ABCD4: variants seen among roughly 807,000 people sequenced by gnomAD.
ABCD4 encodes ATP binding cassette subfamily D member 4, also known as lysosomal cobalamin transporter ABCD4.
In ABCD4, 53 loss-of-function variants were observed where a neutral mutation model predicts 86.3. That is an observed-to-expected ratio of 0.61 (90% CI 0.49 to 0.77). The LOEUF (loss-of-function observed/expected upper bound fraction) is 0.77, where lower values mean the gene tolerates loss of function less well. Among genes scored for constraint, ABCD4 ranks in the 30% least tolerant of loss-of-function variants. The pLI, the probability that ABCD4 is intolerant of heterozygous loss-of-function variation, is 0.00. For missense variants in ABCD4, 757 were observed against 764.5 expected, an observed-to-expected ratio of 0.99 and a Z score of 0.12; for synonymous variants, 328 against 313.6, an observed-to-expected ratio of 1.05 and a Z score of -0.49.
At position 74,286,331 on chromosome 14, in the gene ABCD4, A is replaced by AGGACCAATGTGGCTCCTGCACG. The variant is rs2079729269; in HGVS notation, c.*129_*130insCGTGCAGGAGCCACATTGGTCC. 1 of 949,388 alleles carries AGGACCAATGTGGCTCCTGCACG rather than the reference A, an allele frequency of 1.1e-6. No individual in the cohort carries two copies. The highest frequency in any genetic ancestry group is 1.7e-6 in the Non-Finnish European group (1 of 604,458). The allele number at this position is 949,388 out of a possible 1,614,324, so 58.8% of individuals were successfully genotyped here. Reference sequence around the variant, plus strand: ...CCCACCACTGCTAGGGGTCCTGCACAGGACCCATGTGGCTCCTGCACGGGA... The same window carrying AGGACCAATGTGGCTCCTGCACG: ...CCCACCACTGCTAGGGGTCCTGCACAGGACCAATGTGGCTCCTGCACGGGACCCATGTGGCTCCTGCACGGGA... On this transcript the variant is annotated 3_prime_UTR_variant, in exon 19 of 19. Transcript: ENST00000356924.
intron 2 of ABCD4, 149 bp from the exon 3 acceptor site, chr14:74,299,824 G>A: frequency 4.3e-6 from 3 of 705,828 alleles, no homozygotes; most frequent in Admixed American, 2.8e-5. Context: ...CACTTTGGGA[G>A]GCTGAGGCGG....
rs1594859967 is a variant in ABCD4 at position 74,290,072 on chromosome 14, G to A, written c.1374C>T (p.Phe458=). The change falls in exon 13 of 19, where the codon TTC becomes TTT. Residue 458 remains phenylalanine, a synonymous_variant. Transcript: ENST00000356924. ...LTDFGPHGVL[F]LPQKPFFTDG... ...CAGTGAAGAATGGCTTTTGTGGCAGGAATAGCACCCCATGGGGCCCAAAGT... is the reference window on the plus strand; with the variant it reads ...CAGTGAAGAATGGCTTTTGTGGCAGAAATAGCACCCCATGGGGCCCAAAGT... 1 of 1,614,118 alleles carries A rather than the reference G, an allele frequency of 6.2e-7. No individual in the cohort carries two copies. Among genetic ancestry groups the A allele is most frequent in the Non-Finnish European group, 8.5e-7 (1 of 1,180,022 alleles).
intron 15 of ABCD4, 97 bp downstream of exon 15, chr14:74,288,619 C>T (rs1398442369): frequency 1.4e-6 from 2 of 1,415,532 alleles, no homozygotes; most frequent in Admixed American, 1.9e-5. Flanking sequence ...TTCAGACTTC[C>T]AGTCCTGGGC....
intron 11 of ABCD4, among the ~76,000 whole-genome samples, 165 bp from the exon 12 acceptor site, chr14:74,290,664 C>G (rs567291340): frequency 1.4e-5 from 2 of 148,050 alleles, no homozygotes; most frequent in African/African-American, 5.0e-5. Context: ...CAGAATGTAA[C>G]TGCATTCGGA....
At chr14:74,288,858 A>C in intron 14 of ABCD4, 93 bp from the exon 15 acceptor site, 2 of 1,485,194 alleles carry the variant, frequency 1.3e-6, no homozygotes, top group Non-Finnish European at 1.8e-6. Context: ...TCACGCCTGT[A>C]ATCCCAACAC....
intron 17 of ABCD4, 25 bp from the exon 18 acceptor site, chr14:74,286,841 G>A: frequency 6.2e-7 from 1 of 1,606,922 alleles, no homozygotes; most frequent in Non-Finnish European, 8.5e-7. Flanking sequence ...CACAGAGGAA[G>A]AGATCAAAGC....
intron 17 of ABCD4, 64 bp downstream of exon 17, chr14:74,287,746 C>T: frequency 1.4e-6 from 2 of 1,478,372 alleles, no homozygotes; most frequent in East Asian, 4.9e-5. Context: ...CCTGTGAACA[C>T]ATGCTGCTAC....
At chr14:74,292,939 C>G (rs531297457) in intron 8 of ABCD4, 70 bp from the exon 9 acceptor site, 775 of 1,604,420 alleles carry the variant, frequency 4.8e-4, no homozygotes, top group Admixed American at 1.7e-3. Flanking sequence ...AACCCTAAGA[C>G]AGGGAGCAGG....
chr14:74,299,787 C>T (rs1158235359), intron 2 of ABCD4, 112 bp from the exon 3 acceptor site: 11 of 1,120,608 alleles, frequency 9.8e-6, no homozygotes, highest in South Asian at 4.4e-5. Context: ...AGGGGCCGGG[C>T]GCGGTGGCTC....
rs2139832693 is a variant in ABCD4, at chr14:74,290,468, C to A, written c.1150G>T (p.Asp384Tyr). Residue 384 changes from aspartate to tyrosine, a missense_variant, in exon 12 of 19, where the codon GAC becomes TAC. Coordinates refer to ENST00000356924, the MANE Select transcript of ABCD4 (RefSeq NM_005050.4). Reference protein sequence around the residue: ...PPGWPAAEPADTAFLLERVSI... With the variant: ...PPGWPAAEPAYTAFLLERVSI... ...ACCCGCTCAAGGAGAAATGCTGTGT[C>A]TGCTGGCTCTGCCGCTGGCCACCCT... 1.2e-6 allele frequency: 2 copies of A among 1,613,894 alleles called. No individual in the cohort carries two copies. Among genetic ancestry groups the A allele is most frequent in the East Asian group, 4.5e-5 (2 of 44,874 alleles).
At chr14:74,299,391 T>G in intron 3 of ABCD4, 157 bp downstream of exon 3, 1 of 907,378 alleles carries the variant, frequency 1.1e-6, no homozygotes, top group East Asian at 2.6e-5. Flanking sequence ...AAGATCAACG[T>G]GCTTAATAAA....
chr14:74,288,058 C>A, intron 16 of ABCD4, 149 bp downstream of exon 16: 1 of 1,086,032 alleles, frequency 9.2e-7, no homozygotes, highest in Non-Finnish European at 1.3e-6. Context: ...AGGCAAAACT[C>A]TGTTCCCAAG....
Position 74,290,007 on chromosome 14 carries a change from GC to G in ABCD4, c.1419+19del, listed in dbSNP as rs2081031813. ...GGCGGGGTTGAGGAGGGAGGAGTGA[GC>G]CCCCTGAACTAGACTGACCTGCTCC... On this transcript the variant is annotated intron_variant, in intron 13 of 18. Transcript: ENST00000356924. 1 of 1,613,916 alleles carries G rather than the reference GC, an allele frequency of 6.2e-7. No homozygotes were observed. The highest frequency in any genetic ancestry group is 8.5e-7 in the Non-Finnish European group (1 of 1,179,962).
In ABCD4 at chr14:74,292,676, G is replaced by A. The variant is rs752752998; in HGVS notation, c.937-34C>T. ...GATGGGAAGAGGTCAAGCAGGTCTC[G>A]ACTCGAGCCCACAGACACTGGGCCA... On this transcript the variant is annotated intron_variant, in intron 9 of 18. Coordinates refer to ENST00000356924, the MANE Select transcript of ABCD4 (RefSeq NM_005050.4). 1.1e-5 allele frequency: 18 copies of A among 1,613,830 alleles called. No homozygotes were observed. The South Asian group carries it at 1.5e-4, about 14-fold the overall frequency.
At chr14:74,289,149 G>A (rs2080745593) in intron 14 of ABCD4, 4 of 1,180,944 alleles carry the variant, frequency 3.4e-6, no homozygotes, top group African/African-American at 3.4e-5. Flanking sequence ...GAATAGACAG[G>A]GCACATCATG....
At chr14:74,298,523 G>C (rs576779757) in intron 3 of ABCD4, among the ~76,000 whole-genome samples, 1 of 152,218 alleles carries the variant, frequency 6.6e-6, no homozygotes, top group South Asian at 2.1e-4. Flanking sequence ...CGCCCGCCTC[G>C]GCCTCTCAAA....
Position 74,286,369 on chromosome 14 carries a change from A to C in ABCD4, c.*92T>G. 7.1e-7 allele frequency: 1 copy of C among 1,415,790 alleles called. No homozygotes were observed. The highest frequency in any genetic ancestry group is 9.9e-7 in the Non-Finnish European group (1 of 1,006,754). The allele number at this position is 1,415,790 out of a possible 1,614,324, so 87.7% of individuals were successfully genotyped here. On this transcript the variant is annotated 3_prime_UTR_variant, in exon 19 of 19. Transcript: ENST00000356924. ...CTCCTGCACGGGATCTATGTGGCGAACCTGAGCTCGATCTTCGCTGTCAGT... is the reference window on the plus strand; with the variant it reads ...CTCCTGCACGGGATCTATGTGGCGACCCTGAGCTCGATCTTCGCTGTCAGT...
At chr14:74,289,273 GTGGGCATCTC>G (rs1367212130) in intron 14 of ABCD4, 200 bp downstream of exon 14, 2 of 1,378,092 alleles carry the variant, frequency 1.5e-6, no homozygotes, top group Non-Finnish European at 1.9e-6. Flanking sequence ...CCTTGTCCCA[GTGGGCATCTC>G]TCCTTAAGGA....
chr14:74,302,623 G>A lies in ABCD4; in HGVS notation c.38+252C>T, dbSNP rs180719569. Among the ~76,000 whole-genome samples, 97 of 152,360 alleles carry A rather than the reference G, an allele frequency of 6.4e-4. 1 individual carries two copies. The highest frequency in any genetic ancestry group is 5.9e-3 in the Admixed American group (91 of 15,304). On this transcript the variant is annotated intron_variant, in intron 1 of 18. Coordinates refer to ENST00000356924, the MANE Select transcript of ABCD4 (RefSeq NM_005050.4). ...TCTTTTCAAAAAAAGAATGCCAGTT[G>A]CGAGGGTGAGGGTCCCACACCGCAG...
Sources: gnomAD v4.1 joint callset for allele counts (sites outside exome capture counted in the v4.1 genomes callset) on GRCh38, gnomAD v4.1.1 for gene constraint, MANE v1.5 for transcripts, NCBI Gene and HGNC (gene_info 2026-07-23, HGNC 2026-07-21) for gene names.